ATAD1: variants seen among roughly 807,000 people sequenced by gnomAD.
ATAD1 encodes the protein ATPase family AAA domain containing 1, also known as outer mitochondrial transmembrane helix translocase.
ATAD1 carries 18 observed loss-of-function variants against 42.7 expected under a neutral mutation model. That is an observed-to-expected ratio of 0.42 (90% CI 0.29 to 0.63). The LOEUF (loss-of-function observed/expected upper bound fraction) is 0.63. Ranked by LOEUF, ATAD1 falls within the 20% of genes least tolerant of loss-of-function variation. ATAD1 has a pLI of 0.19. For synonymous variants in ATAD1, 132 were observed against 143.1 expected (o/e 0.92, Z 0.55); for missense variants, 294 against 440.4 (o/e 0.67, Z 2.98).
chr10:87,771,706 C>G (rs1855039647), intron 6 of ATAD1, among the ~76,000 whole-genome samples: 1 of 151,386 alleles, frequency 6.6e-6, no homozygotes, highest in Admixed American at 6.6e-5. Context: ...GCTGGCAGCC[C>G]TGCCAACCTC....
chr10:87,804,817 A>G (rs969390938), intron 2 of ATAD1, among the ~76,000 whole-genome samples: 7 of 152,148 alleles, frequency 4.6e-5, no homozygotes, highest in Non-Finnish European at 2.9e-5. Context: ...TAGCTTATCA[A>G]AACTCTTCTA....
At position 87,776,286 on chromosome 10, in the gene ATAD1, C is replaced by T. The variant is rs375294671; in HGVS notation, c.690+35G>A. 2.0e-6 allele frequency: 3 copies of T among 1,528,280 alleles called. No homozygotes were observed. The South Asian group carries it at 3.5e-5, about 18-fold the overall frequency. The allele number at this position is 1,528,280 out of a possible 1,614,324, so 94.7% of individuals were successfully genotyped here. ...AAATTTTCTATTAAGAACAAAAAAACCAACACAAGTTGAGGGCAGATTTTA... is the reference window on the plus strand; with the variant it reads ...AAATTTTCTATTAAGAACAAAAAAATCAACACAAGTTGAGGGCAGATTTTA... On this transcript the variant is annotated intron_variant, in intron 6 of 9. Coordinates refer to ENST00000680024, the MANE Select transcript of ATAD1 (RefSeq NM_001321967.2).
At chr10:87,826,914 A>G (rs1857740314) in intron 1 of ATAD1, among the ~76,000 whole-genome samples, 1 of 152,160 alleles carries the variant, frequency 6.6e-6, no homozygotes, top group South Asian at 2.1e-4. Context: ...CTCATAGGCC[A>G]AAAAGAGAAG....
At position 87,763,657 on chromosome 10, in the gene ATAD1, A is replaced by G. The variant is rs573326174; in HGVS notation, c.831+4016T>C. 2.0e-5 allele frequency among the ~76,000 whole-genome samples: 3 copies of G among 152,096 alleles called. No homozygotes were observed. The South Asian group carries it at 6.2e-4, about 32-fold the overall frequency. ...CACAGCACTTTAGCCTGGGTAATACAGTGAGACCCTAAAAAAACAACACGT... is the reference window on the plus strand; with the variant it reads ...CACAGCACTTTAGCCTGGGTAATACGGTGAGACCCTAAAAAAACAACACGT... On this transcript the variant is annotated intron_variant, in intron 8 of 9. Transcript: ENST00000680024.
chr10:87,781,359 T>C (rs925655246), intron 5 of ATAD1, among the ~76,000 whole-genome samples: 1 of 152,274 alleles, frequency 6.6e-6, no homozygotes, highest in Admixed American at 6.5e-5. Flanking sequence ...ACTTCTAAAG[T>C]TCAAATATAA....
rs575071672 is a variant in ATAD1, at chr10:87,754,702, A to G, written c.1071T>C (p.His357=). The change falls in exon 10 of 10, where the codon CAT becomes CAC. Residue 357 remains histidine, a synonymous_variant. Coordinates refer to ENST00000680024, the MANE Select transcript of ATAD1 (RefSeq NM_001321967.2). The part of the protein sequence containing the change: ...KDAAFQNVLT[H]VCLD ...ATCTTTACTCTTAATCTAAACAAACATGTGTTAAAACATTCTGAAATGCTG... is the reference window on the plus strand; with the variant it reads ...ATCTTTACTCTTAATCTAAACAAACGTGTGTTAAAACATTCTGAAATGCTG... 2.0e-4 allele frequency: 322 copies of G among 1,613,194 alleles called. 5 individuals carry two copies. In the South Asian group the frequency reaches 3.4e-3, roughly 17 times the overall value.
chr10:87,837,769 C>G (rs1003050353), intron 1 of ATAD1, among the ~76,000 whole-genome samples: 1 of 152,102 alleles, frequency 6.6e-6, no homozygotes, highest in African/African-American at 2.4e-5. Flanking sequence ...TGGTGTTTAT[C>G]CCACCCTCCT....
Position 87,815,557 on chromosome 10 carries a change from A to G in ATAD1, c.-13-945T>C, listed in dbSNP as rs187109591. Reference sequence around the variant, plus strand: ...TGTACTTACATAAACATGAAAAAAAACAGAATTTGTATGGCTCAGCAGATA... The same window carrying G: ...TGTACTTACATAAACATGAAAAAAAGCAGAATTTGTATGGCTCAGCAGATA... On this transcript the variant is annotated intron_variant, in intron 1 of 9. Transcript: ENST00000680024. Among the ~76,000 whole-genome samples the G allele has an allele frequency of 3.7e-3, 567 of 152,212 alleles. 6 individuals are homozygous for G. Among genetic ancestry groups the G allele is most frequent in the Non-Finnish European group, 3.6e-3 (242 of 67,946 alleles).
intron 2 of ATAD1, among the ~76,000 whole-genome samples, chr10:87,809,114 A>T (rs917308126): frequency 6.6e-6 from 1 of 152,174 alleles, no homozygotes; most frequent in Non-Finnish European, 1.5e-5. Context: ...TCAGTTTTAG[A>T]AATGCATATT....
chr10:87,769,168 G>A (rs1160594753), intron 7 of ATAD1, among the ~76,000 whole-genome samples: 1 of 152,162 alleles, frequency 6.6e-6, no homozygotes, highest in East Asian at 1.9e-4. Context: ...GAACCAATTA[G>A]GTAAACAAAT....
At chr10:87,834,683 T>C (rs1344520511) in intron 1 of ATAD1, among the ~76,000 whole-genome samples, 2 of 152,258 alleles carry the variant, frequency 1.3e-5, no homozygotes, top group East Asian at 3.9e-4. Flanking sequence ...GCAAGAGATT[T>C]GTGAATTTCA....
intron 8 of ATAD1, among the ~76,000 whole-genome samples, chr10:87,760,267 T>C (rs1331041173): frequency 6.6e-6 from 1 of 151,960 alleles, no homozygotes; most frequent in Non-Finnish European, 1.5e-5. Flanking sequence ...TGGTGGGAAG[T>C]GATTGGATTA....
intron 6 of ATAD1, among the ~76,000 whole-genome samples, chr10:87,773,888 ATAAT>A (rs1460822112): frequency 2.0e-4 from 30 of 152,358 alleles, no homozygotes; most frequent in African/African-American, 6.3e-4. Flanking sequence ...CTCAGGGAGA[ATAAT>A]TAGTTTTTGG....
chr10:87,795,178 C>T (rs1447030065), intron 2 of ATAD1, among the ~76,000 whole-genome samples: 2 of 152,030 alleles, frequency 1.3e-5, no homozygotes, highest in East Asian at 1.9e-4. Context: ...TGTCTAATTT[C>T]GAATCCCATA....
chr10:87,839,988 CTGTT>C (rs1372359945), intron 1 of ATAD1, among the ~76,000 whole-genome samples: 1 of 152,148 alleles, frequency 6.6e-6, no homozygotes, highest in Non-Finnish European at 1.5e-5. Context: ...TGAATTAACT[CTGTT>C]TGAGTCATTT....
chr10:87,819,852 A>T (rs957609222), upstream of ATAD1, among the ~76,000 whole-genome samples: 22 of 152,220 alleles, frequency 1.4e-4, no homozygotes, highest in Non-Finnish European at 4.4e-5. Context: ...GCTTTAAAGG[A>T]TGGGATGAAA....
intron 2 of ATAD1, among the ~76,000 whole-genome samples, chr10:87,802,487 AC>A (rs1485337611): frequency 6.6e-6 from 1 of 152,176 alleles, no homozygotes; most frequent in Admixed American, 6.5e-5. Context: ...TTTCTATGGA[AC>A]AAAGTTCTAT....
Position 87,818,204 on chromosome 10 carries a change from G to A in ATAD1, c.-51C>T, listed in dbSNP as rs913500708. On this transcript the variant is annotated 5_prime_UTR_variant, in exon 1 of 10. Transcript: ENST00000680024. ...ACAGCAAGAGCAAGTGCCCTCAGCCGGCCTCACACAGGAAGGAAACGCAAC... is the reference window on the plus strand; with the variant it reads ...ACAGCAAGAGCAAGTGCCCTCAGCCAGCCTCACACAGGAAGGAAACGCAAC... 3.0e-6 allele frequency: 3 copies of A among 985,460 alleles called. No individual in the cohort carries two copies. The highest frequency in any genetic ancestry group is 3.6e-6 in the Non-Finnish European group (3 of 830,042). 61.0% of individuals were successfully genotyped at this position (985,460 alleles called of 1,614,324 possible).
intron 2 of ATAD1, among the ~76,000 whole-genome samples, chr10:87,808,352 A>C (rs530123184): frequency 6.6e-6 from 1 of 151,574 alleles, no homozygotes; most frequent in Non-Finnish European, 1.5e-5. Context: ...AAAAAAAGTA[A>C]TGAAAAGTAA....
Sources: gnomAD v4.1 joint callset for allele counts (sites outside exome capture counted in the v4.1 genomes callset) on GRCh38, gnomAD v4.1.1 for gene constraint, MANE v1.5 for transcripts, NCBI Gene and HGNC (gene_info 2026-07-23, HGNC 2026-07-21) for gene names.